Variants in ARHGAP6 observed in about 807,000 individuals in gnomAD.
The protein encoded by ARHGAP6 is rho GTPase-activating protein 6.
A neutral mutation model predicts 55.7 loss-of-function variants in ARHGAP6; 16 were observed. The ratio of observed to expected loss-of-function variants is 0.29; its 90% CI spans 0.19 to 0.44. The LOEUF is 0.44. ARHGAP6 is among the 20% of genes least tolerant of loss of function. The probability of loss-of-function intolerance (pLI) is 1.00; values close to 1 mark genes in which losing one functional copy is unlikely to be tolerated. For synonymous variants in ARHGAP6, 382 were observed against 360.9 expected (o/e 1.06, Z -0.66); for missense variants, 698 against 808.9 (o/e 0.86, Z 1.66).
At chrX:11,463,037 G>T (rs1359330738) in intron 1 of ARHGAP6, among the ~76,000 whole-genome samples, 1 of 112,367 alleles carries the variant, frequency 8.9e-6, no homozygotes, top group Non-Finnish European at 1.9e-5. Context: ...TTTACTTTAT[G>T]ATTCCTTTTA....
chrX:11,381,313 A>G (rs1245154013), intron 1 of ARHGAP6, among the ~76,000 whole-genome samples: 2 of 112,437 alleles, frequency 1.8e-5, no homozygotes, highest in African/African-American at 6.5e-5. Flanking sequence ...AATAAACCCA[A>G]TATCTATCTC....
chrX:11,209,080 A>T (rs2046750158), intron 2 of ARHGAP6, among the ~76,000 whole-genome samples: 1 of 112,444 alleles, frequency 8.9e-6, no homozygotes, highest in Non-Finnish European at 1.9e-5. Flanking sequence ...GAATAAAAGT[A>T]AAGAAAAAAT....
chrX:11,286,341 C>T (rs2047921549), intron 1 of ARHGAP6, among the ~76,000 whole-genome samples: 1 of 111,338 alleles, frequency 9.0e-6, no homozygotes, highest in Admixed American at 9.5e-5. Flanking sequence ...TGTTTTTCCC[C>T]ACCAGCTATT....
chrX:11,613,039 TAGCAGATAGCTTCAGA>T (rs1366389301), intron 1 of ARHGAP6, among the ~76,000 whole-genome samples: 1 of 112,970 alleles, frequency 8.9e-6, no homozygotes, highest in East Asian at 2.8e-4. Context: ...TCACTGCCTG[TAGCAGATAGCTTCAGA>T]AGCCAACAAT....
chrX:11,317,950 G>T (rs1392765051), intron 1 of ARHGAP6, among the ~76,000 whole-genome samples: 1 of 112,027 alleles, frequency 8.9e-6, no homozygotes, highest in Non-Finnish European at 1.9e-5. Context: ...AAATATTAGG[G>T]AAAGTGCCAT....
At chrX:11,271,646 G>A (rs1348467961) in intron 1 of ARHGAP6, among the ~76,000 whole-genome samples, 1 of 111,266 alleles carries the variant, frequency 9.0e-6, no homozygotes, top group Non-Finnish European at 1.9e-5. Context: ...TGAGCCTCTC[G>A]GTTTTACTGT....
intron 1 of ARHGAP6, among the ~76,000 whole-genome samples, chrX:11,590,878 GAAA>G (rs2051815627): frequency 1.5e-5 from 1 of 65,455 alleles, no homozygotes; most frequent in African/African-American, 6.1e-5. Context: ...AGGAAAGAAA[GAAA>G]GAAAGAAAGA....
intron 1 of ARHGAP6, among the ~76,000 whole-genome samples, chrX:11,388,572 G>A (rs1008618267): frequency 4.5e-5 from 5 of 111,696 alleles, no homozygotes; most frequent in Non-Finnish European, 9.4e-5. Flanking sequence ...GATCCCATTT[G>A]TCAATTTTGG....
At chrX:11,455,312 G>A (rs1295208124) in intron 1 of ARHGAP6, among the ~76,000 whole-genome samples, 1 of 111,964 alleles carries the variant, frequency 8.9e-6, no homozygotes, top group Non-Finnish European at 1.9e-5. Flanking sequence ...TGGTTCTGAT[G>A]ACATAAACAT....
At chrX:11,403,732 G>A (rs919745334) in intron 1 of ARHGAP6, among the ~76,000 whole-genome samples, 3 of 112,029 alleles carry the variant, frequency 2.7e-5, no homozygotes, top group African/African-American at 9.7e-5. Flanking sequence ...ATCTCAAAAT[G>A]TTAACTTCAA....
rs368528630 is a variant in ARHGAP6 at position 11,292,275 on chromosome X, G to T, written c.589-37568C>A. The stretch of plus-strand genomic sequence containing the variant: ...TCTAATATTGATGGACGACTCGTCA[G>T]TTAGCTCCTGCCACTAATTACAACT... On this transcript the variant is annotated intron_variant, in intron 1 of 12. Transcript: ENST00000337414. Among the ~76,000 whole-genome samples, 142 of 111,850 alleles carry T rather than the reference G, an allele frequency of 1.3e-3. 3 individuals carry two copies. The South Asian group carries it at 0.042, about 33-fold the overall frequency.
At chrX:11,521,067 C>G (rs1211391484) in intron 1 of ARHGAP6, among the ~76,000 whole-genome samples, 4 of 111,760 alleles carry the variant, frequency 3.6e-5, no homozygotes, top group African/African-American at 1.3e-4. Context: ...AGCCCTTTGT[C>G]AGATGAGTAG....
intron 1 of ARHGAP6, among the ~76,000 whole-genome samples, chrX:11,482,034 A>G (rs2050461619): frequency 8.9e-6 from 1 of 112,701 alleles, no homozygotes; most frequent in African/African-American, 3.2e-5. Context: ...CTACAGTTGC[A>G]GGAGCCCAGT....
intron 1 of ARHGAP6, among the ~76,000 whole-genome samples, chrX:11,369,037 A>G (rs2049115205): frequency 9.0e-6 from 1 of 111,431 alleles, no homozygotes; most frequent in Non-Finnish European, 1.9e-5. Flanking sequence ...TTCCCTTTCA[A>G]AAGTATCCCA....
At chrX:11,341,458 A>G (rs1242447168) in intron 1 of ARHGAP6, among the ~76,000 whole-genome samples, 3 of 112,340 alleles carry the variant, frequency 2.7e-5, no homozygotes, top group Non-Finnish European at 5.6e-5. Context: ...CAGTAGTAAA[A>G]TAATATTTAA....
At chrX:11,319,952 G>A (rs2048410740) in intron 1 of ARHGAP6, among the ~76,000 whole-genome samples, 1 of 112,126 alleles carries the variant, frequency 8.9e-6, no homozygotes, top group African/African-American at 3.2e-5. Flanking sequence ...AGCTGGGGGG[G>A]AAAATATCAC....
intron 1 of ARHGAP6, among the ~76,000 whole-genome samples, chrX:11,381,837 T>C (rs1450864869): frequency 8.9e-6 from 1 of 112,471 alleles, no homozygotes; most frequent in Non-Finnish European, 1.9e-5. Flanking sequence ...TAAGCTTTTT[T>C]ATTCCAAACA....
intron 9 of ARHGAP6, among the ~76,000 whole-genome samples, chrX:11,168,928 A>G (rs751515896): frequency 8.9e-6 from 1 of 112,248 alleles, no homozygotes; most frequent in South Asian, 3.7e-4. Flanking sequence ...TATGGAGAGG[A>G]GATAACAATG....
chrX:11,520,131 T>TTATACATATA (rs2050898844), intron 1 of ARHGAP6, among the ~76,000 whole-genome samples: 1 of 18,250 alleles, frequency 5.5e-5, no homozygotes, highest in Non-Finnish European at 1.0e-4. Context: ...AGAATTGATT[T>TTATACATATA]TATATATATA....
Sources: gnomAD v4.1 joint callset for allele counts (sites outside exome capture counted in the v4.1 genomes callset) on GRCh38, gnomAD v4.1.1 for gene constraint, MANE v1.5 for transcripts, NCBI Gene and HGNC (gene_info 2026-07-23, HGNC 2026-07-21) for gene names.